CATSPER3: variants seen among roughly 807,000 people sequenced by gnomAD.
CATSPER3 encodes cation channel sperm associated 3.
Under a neutral mutation model 36.6 loss-of-function variants are expected in CATSPER3, and 23 were observed. The observed-to-expected ratio is 0.63, with a 90% confidence interval of 0.45 to 0.89. CATSPER3 has a LOEUF of 0.89. Among genes scored for constraint, CATSPER3 ranks in the 40% least tolerant of loss-of-function variants. The pLI, the probability that CATSPER3 is intolerant of heterozygous loss-of-function variation, is 0.00. For missense variants in CATSPER3, 474 were observed against 503.9 expected (o/e 0.94, Z 0.57); for synonymous variants, 172 against 184.1 (o/e 0.93, Z 0.53).
intron 2 of CATSPER3, among the ~76,000 whole-genome samples, chr5:134,971,423 A>ACAACCAAC (rs1751605231): frequency 6.6e-6 from 1 of 152,142 alleles, no homozygotes; most frequent in African/African-American, 2.4e-5. Context: ...CTTGTCCTAA[A>ACAACCAAC]CAACCAACCA....
intron 2 of CATSPER3, among the ~76,000 whole-genome samples, chr5:134,990,789 TA>T (rs1354833398): frequency 1.3e-5 from 2 of 152,270 alleles, no homozygotes; most frequent in East Asian, 3.9e-4. Flanking sequence ...TGAAGTGCAA[TA>T]AAACAAGGGA....
chr5:135,001,940 T>C (rs1391965397), intron 3 of CATSPER3, among the ~76,000 whole-genome samples: 3 of 152,248 alleles, frequency 2.0e-5, no homozygotes, highest in African/African-American at 7.2e-5. Context: ...TGTCTTTTAA[T>C]TGGAGCATTG....
chr5:135,006,679 CA>C (rs201692104), intron 3 of CATSPER3, among the ~76,000 whole-genome samples: 3 of 149,906 alleles, frequency 2.0e-5, no homozygotes, highest in East Asian at 1.9e-4. Context: ...ACTAAAAATA[CA>C]AAAAAAAATT....
chr5:134,968,055 T>C lies in CATSPER3; in HGVS notation c.64T>C (p.Ser22Pro). ...VISSSPVDTT[S>P]VGFCPTFKKF... Reference sequence around the variant, plus strand: ...TTCTAGTTCACCAGTTGACACTACATCGGTGGGATTTTGCCCAACATTCAA... The same window carrying C: ...TTCTAGTTCACCAGTTGACACTACACCGGTGGGATTTTGCCCAACATTCAA... Residue 22 changes from serine to proline, a missense_variant, in exon 1 of 8, where the codon TCG becomes CCG. Coordinates refer to ENST00000282611, the MANE Select transcript of CATSPER3 (RefSeq NM_178019.3). 6.2e-7 allele frequency: 1 copy of C among 1,613,868 alleles called. No homozygotes were observed. The highest frequency in any genetic ancestry group is 1.1e-5 in the South Asian group (1 of 91,076).
At chr5:134,981,564 A>G (rs565444166) in intron 2 of CATSPER3, among the ~76,000 whole-genome samples, 1 of 152,228 alleles carries the variant, frequency 6.6e-6, no homozygotes, top group Non-Finnish European at 1.5e-5. Flanking sequence ...CAGAGATCAC[A>G]CACAACAAAG....
At chr5:134,998,368 C>T (rs985581671) in intron 3 of CATSPER3, among the ~76,000 whole-genome samples, 3 of 152,166 alleles carry the variant, frequency 2.0e-5, no homozygotes, top group Non-Finnish European at 4.4e-5. Context: ...TGAATAGTGC[C>T]ACAATAAACA....
intron 2 of CATSPER3, among the ~76,000 whole-genome samples, chr5:134,982,163 A>T (rs995906000): frequency 1.3e-5 from 2 of 152,176 alleles, no homozygotes; most frequent in Non-Finnish European, 2.9e-5. Flanking sequence ...TGAGAAGCAG[A>T]AAGAAAAAAT....
intron 2 of CATSPER3, among the ~76,000 whole-genome samples, chr5:134,987,021 G>A (rs1177713441): frequency 2.0e-5 from 3 of 152,014 alleles, no homozygotes; most frequent in Admixed American, 6.6e-5. Flanking sequence ...ATACTAGAAC[G>A]AGATAAACAA....
chr5:134,979,825 TA>T (rs1751726153), intron 2 of CATSPER3, among the ~76,000 whole-genome samples: 1 of 152,190 alleles, frequency 6.6e-6, no homozygotes, highest in South Asian at 2.1e-4. Flanking sequence ...AACTGGAAGT[TA>T]GGGGTAATGT....
intron 2 of CATSPER3, among the ~76,000 whole-genome samples, chr5:134,979,933 C>A (rs1014338647): frequency 6.9e-6 from 1 of 143,932 alleles, no homozygotes. Context: ...CTCCCTCCCT[C>A]CCACCCTCAT....
chr5:134,974,735 A>G (rs1751648015), intron 2 of CATSPER3, among the ~76,000 whole-genome samples: 1 of 152,234 alleles, frequency 6.6e-6, no homozygotes, highest in Non-Finnish European at 1.5e-5. Context: ...TACCACAATT[A>G]ATGCTTAAAA....
chr5:135,008,228 A>C (rs1752116540), intron 4 of CATSPER3, 89 bp downstream of exon 4: 1 of 1,099,402 alleles, frequency 9.1e-7, no homozygotes. Context: ...GGGGCCTCAC[A>C]TGGGGCTTTC....
At chr5:134,971,867 A>T (rs1036674193) in intron 2 of CATSPER3, among the ~76,000 whole-genome samples, 1 of 152,238 alleles carries the variant, frequency 6.6e-6, no homozygotes, top group African/African-American at 2.4e-5. Flanking sequence ...TACCTCAAAA[A>T]TCAAGCTACT....
intron 2 of CATSPER3, among the ~76,000 whole-genome samples, chr5:134,973,012 G>A (rs1249286674): frequency 6.6e-6 from 1 of 152,164 alleles, no homozygotes; most frequent in South Asian, 2.1e-4. Flanking sequence ...CAAAGAAAAT[G>A]TAAACCAAGA....
chr5:134,990,208 G>A (rs1440907874), intron 2 of CATSPER3, among the ~76,000 whole-genome samples: 1 of 152,188 alleles, frequency 6.6e-6, no homozygotes, highest in African/African-American at 2.4e-5. Flanking sequence ...CACAGCCTCA[G>A]GAGGTCCTGA....
At chr5:134,986,825 A>G (rs1751817663) in intron 2 of CATSPER3, among the ~76,000 whole-genome samples, 1 of 152,210 alleles carries the variant, frequency 6.6e-6, no homozygotes, top group Non-Finnish European at 1.5e-5. Flanking sequence ...AAAATATAAG[A>G]TGAAAATAAA....
At chr5:135,006,890 A>G (rs1280118415) in intron 3 of CATSPER3, among the ~76,000 whole-genome samples, 6 of 151,798 alleles carry the variant, frequency 4.0e-5, no homozygotes, top group South Asian at 2.1e-4. Flanking sequence ...CTGTTTTGCA[A>G]TTAATCCAAA....
At chr5:135,003,551 G>A (rs1421898922) in intron 3 of CATSPER3, among the ~76,000 whole-genome samples, 1 of 152,218 alleles carries the variant, frequency 6.6e-6, no homozygotes, top group Non-Finnish European at 1.5e-5. Flanking sequence ...GCCCTCAGAG[G>A]TGGAGTCTAC....
intron 2 of CATSPER3, among the ~76,000 whole-genome samples, chr5:134,981,068 TTTTC>T (rs1228539496): frequency 6.6e-6 from 1 of 152,104 alleles, no homozygotes; most frequent in African/African-American, 2.4e-5. Context: ...TATTTTTCCT[TTTTC>T]TTTCTTCCTC....
Sources: allele counts gnomAD v4.1 joint callset (sites outside exome capture counted in the v4.1 genomes callset), GRCh38; gene constraint gnomAD v4.1.1; transcripts MANE v1.5; gene names NCBI Gene and HGNC (gene_info 2026-07-23, HGNC 2026-07-21).